The following MACROD2 variants were observed in gnomAD, a reference collection of about 807,000 sequenced individuals.
MACROD2 encodes the protein mono-ADP ribosylhydrolase 2.
MACROD2 carries 36 observed loss-of-function variants against 70.4 expected under a neutral mutation model. That is an observed-to-expected ratio of 0.51 (90% CI 0.39 to 0.68). The LOEUF (loss-of-function observed/expected upper bound fraction) is 0.68, where lower values mean the gene tolerates loss of function less well. Ranked by LOEUF, MACROD2 falls within the 30% of genes least tolerant of loss-of-function variation. The probability of loss-of-function intolerance (pLI) is 0.00; values close to 1 mark genes in which losing one functional copy is unlikely to be tolerated. For synonymous variants in MACROD2, 172 were observed against 178.8 expected (o/e 0.96, Z 0.30); for missense variants, 496 against 538.4 (o/e 0.92, Z 0.78).
At chr20:14,994,257 A>G (rs1363188450) in intron 5 of MACROD2, among the ~76,000 whole-genome samples, 1 of 152,146 alleles carries the variant, frequency 6.6e-6, no homozygotes, top group East Asian at 1.9e-4. Context: ...AAAAAAAAAG[A>G]ACAAATAAAA....
chr20:15,139,392 T>C (rs1338380421), intron 5 of MACROD2, among the ~76,000 whole-genome samples: 1 of 151,742 alleles, frequency 6.6e-6, no homozygotes, highest in Non-Finnish European at 1.5e-5. Flanking sequence ...GGTGGGGGGG[T>C]GTCGTAGGGG....
chr20:14,298,187 A>T (rs1434460825), intron 3 of MACROD2, among the ~76,000 whole-genome samples: 1 of 151,970 alleles, frequency 6.6e-6, no homozygotes, highest in Non-Finnish European at 1.5e-5. Context: ...GTGCGAGAAG[A>T]TTAATGCTGT....
intron 5 of MACROD2, among the ~76,000 whole-genome samples, chr20:15,095,107 C>T (rs1232732590): frequency 1.1e-4 from 14 of 126,650 alleles, no homozygotes; most frequent in Admixed American, 2.8e-4. Flanking sequence ...GACAGAGTCT[C>T]GCTCTGTCGT....
At chr20:14,872,417 GA>G (rs551646572) in intron 5 of MACROD2, among the ~76,000 whole-genome samples, 1 of 151,722 alleles carries the variant, frequency 6.6e-6, no homozygotes, top group Non-Finnish European at 1.5e-5. Flanking sequence ...GCTCAGGAGG[GA>G]AAAAAAGGGT....
chr20:15,831,779 C>T (rs762387329), intron 8 of MACROD2, among the ~76,000 whole-genome samples: 3 of 152,206 alleles, frequency 2.0e-5, no homozygotes, highest in Non-Finnish European at 4.4e-5. Context: ...CAGACTCTGC[C>T]TCTGAACTAT....
At chr20:15,704,123 A>G (rs945856163) in intron 8 of MACROD2, among the ~76,000 whole-genome samples, 1 of 151,538 alleles carries the variant, frequency 6.6e-6, no homozygotes, top group Admixed American at 6.6e-5. Context: ...TTGTTTTCCT[A>G]TTTGAAATGT....
At chr20:14,704,737 G>A (rs546176187) in intron 5 of MACROD2, among the ~76,000 whole-genome samples, 2 of 152,266 alleles carry the variant, frequency 1.3e-5, no homozygotes, top group South Asian at 4.1e-4. Context: ...ACAAGCTCAT[G>A]GAGCTGCACC....
intron 4 of MACROD2, among the ~76,000 whole-genome samples, chr20:14,663,519 TACACACACACAC>T (rs10606501): frequency 7.8e-5 from 11 of 141,556 alleles, no homozygotes; most frequent in African/African-American, 1.8e-4. Flanking sequence ...CAGGGATGTA[TACACACACACAC>T]ACACACACAC....
chr20:15,406,761 T>C (rs546020996), intron 6 of MACROD2, among the ~76,000 whole-genome samples: 40 of 152,338 alleles, frequency 2.6e-4, no homozygotes, highest in African/African-American at 9.1e-4. Context: ...CTTATGTTTA[T>C]TTTTAATTGA....
chr20:15,924,044 G>A (rs897767403), intron 10 of MACROD2, among the ~76,000 whole-genome samples: 22 of 152,286 alleles, frequency 1.4e-4, no homozygotes, highest in African/African-American at 5.1e-4. Context: ...GAGGGCAAGA[G>A]CACATTTTTG....
At chr20:14,461,851 T>A (rs1313889297) in intron 3 of MACROD2, among the ~76,000 whole-genome samples, 1 of 152,028 alleles carries the variant, frequency 6.6e-6, no homozygotes, top group African/African-American at 2.4e-5. Context: ...TATTCCATGG[T>A]GTATATGTGT....
At chr20:15,343,440 A>T (rs2078131393) in intron 6 of MACROD2, among the ~76,000 whole-genome samples, 1 of 152,208 alleles carries the variant, frequency 6.6e-6, no homozygotes. Flanking sequence ...GTGATTCAGA[A>T]GAAGGCTTCA....
intron 4 of MACROD2, among the ~76,000 whole-genome samples, chr20:14,677,680 A>T (rs2070878854): frequency 6.6e-6 from 1 of 152,168 alleles, no homozygotes; most frequent in Non-Finnish European, 1.5e-5. Context: ...CCCCAATACT[A>T]GCTGACCTTA....
At chr20:14,230,501 G>T (rs1173519348) in intron 3 of MACROD2, among the ~76,000 whole-genome samples, 2 of 150,354 alleles carry the variant, frequency 1.3e-5, no homozygotes, top group African/African-American at 4.9e-5. Flanking sequence ...ATGTCTTTAG[G>T]GTTCACTTCT....
intron 6 of MACROD2, among the ~76,000 whole-genome samples, chr20:15,261,408 A>G (rs1057214136): frequency 2.6e-5 from 4 of 151,934 alleles, no homozygotes; most frequent in Non-Finnish European, 4.4e-5. Flanking sequence ...CTAATTGGGC[A>G]GTTTTGCATT....
At chr20:15,077,118 A>C (rs8121203) in intron 5 of MACROD2, among the ~76,000 whole-genome samples, 10,633 of 152,280 alleles carry the variant, frequency 0.07, 407 homozygotes, top group Middle Eastern at 0.17. Context: ...AAATTTACAC[A>C]AAACAGACCC....
chr20:15,556,422 G>T (rs2048170366), intron 8 of MACROD2, among the ~76,000 whole-genome samples: 1 of 151,998 alleles, frequency 6.6e-6, no homozygotes, highest in African/African-American at 2.4e-5. Context: ...AACTGAAGCT[G>T]TTTATCCACT....
rs532584530 is a variant in MACROD2, at chr20:15,614,097, G to T, written c.645+114250G>T. ...TCCGCAGGAAAACCAGTGTAAGTCA[G>T]TTCATTCCTGCTGTGTGATCTTGAA... On this transcript the variant is annotated intron_variant, in intron 8 of 17. Coordinates refer to ENST00000684519, the MANE Select transcript of MACROD2 (RefSeq NM_001351661.2). 4.6e-5 allele frequency among the ~76,000 whole-genome samples: 7 copies of T among 152,318 alleles called. No homozygotes were observed. The South Asian group carries it at 1.5e-3, about 32-fold the overall frequency.
chr20:15,801,011 G>A (rs375865397), intron 8 of MACROD2, among the ~76,000 whole-genome samples: 4 of 150,352 alleles, frequency 2.7e-5, no homozygotes, highest in East Asian at 4.0e-4. Flanking sequence ...AAGAGTCATC[G>A]CCACTCCCTA....
Sources: allele counts gnomAD v4.1 joint callset (sites outside exome capture counted in the v4.1 genomes callset), GRCh38; gene constraint gnomAD v4.1.1; transcripts MANE v1.5; gene names NCBI Gene and HGNC (gene_info 2026-07-23, HGNC 2026-07-21).